The following ARAP2 variants were observed in gnomAD, a reference collection of about 807,000 sequenced individuals.
ARAP2 encodes the protein arf-GAP with Rho-GAP domain, ANK repeat and PH domain-containing protein 2.
A neutral mutation model predicts 194.5 loss-of-function variants in ARAP2; 148 were observed. The ratio of observed to expected loss-of-function variants is 0.76; its 90% CI spans 0.67 to 0.87. The LOEUF is 0.87. Ranked by LOEUF, ARAP2 falls within the 40% of genes least tolerant of loss-of-function variation. The probability of loss-of-function intolerance (pLI) is 0.00; values close to 1 mark genes in which losing one functional copy is unlikely to be tolerated. For synonymous variants in ARAP2, 695 were observed against 683.5 expected, an observed-to-expected ratio of 1.02 and a Z score of -0.26; for missense variants, 2,128 against 1,989.7, an observed-to-expected ratio of 1.07 and a Z score of -1.32.
chr4:36,139,521 T>C (rs1187446511), intron 19 of ARAP2, among the ~76,000 whole-genome samples: 1 of 151,668 alleles, frequency 6.6e-6, no homozygotes, highest in Non-Finnish European at 1.5e-5. Flanking sequence ...ATATATTCCG[T>C]TTATTCATTC....
chr4:36,191,006 G>A, intron 7 of ARAP2, among the ~76,000 whole-genome samples: 1 of 152,182 alleles, frequency 6.6e-6, no homozygotes, highest in Non-Finnish European at 1.5e-5. Flanking sequence ...CCATTGTCAG[G>A]CAACCTAAGG....
intron 2 of ARAP2, among the ~76,000 whole-genome samples, chr4:36,228,263 G>A (rs1750750195): frequency 6.6e-6 from 1 of 152,156 alleles, no homozygotes; most frequent in African/African-American, 2.4e-5. Flanking sequence ...TTTCAAATAT[G>A]AGAACTGCAC....
intron 2 of ARAP2, among the ~76,000 whole-genome samples, chr4:36,056,582 T>C (rs1442831273): frequency 1.3e-5 from 2 of 152,214 alleles, no homozygotes; most frequent in African/African-American, 4.8e-5. Context: ...AGAACATGTA[T>C]AGGTTTTCTT....
rs180931907 is a variant in ARAP2 at position 36,210,552 on chromosome 4, A to T, written c.1325T>A (p.Ile442Asn). The T allele has an allele frequency of 7.8e-5, 126 of 1,613,890 alleles. 2 individuals carry two copies. The East Asian group carries it at 2.8e-3, about 36-fold the overall frequency. ...ASKSRTQKAL[I>N]LDSVNRHSYP... ...ACTGTGCCTATTAACGGAGTCCAAA[A>T]TCAAGGCTTTTTGAGTCCTAGATTT... The change falls in exon 6 of 33, where the codon ATT (isoleucine) becomes AAT (asparagine). Residue 442 changes from isoleucine to asparagine, a missense_variant. By Grantham distance (149) the Ile-to-Asn change is moderately radical. Transcript: ENST00000303965.
chr4:36,204,969 C>CA, intron 6 of ARAP2, among the ~76,000 whole-genome samples: 1 of 129,022 alleles, frequency 7.8e-6, no homozygotes, highest in African/African-American at 3.1e-5. Context: ...GCCTGGGCAA[C>CA]CGAGCGAGAC....
chr4:36,082,365 A>C (rs913349896), intron 29 of ARAP2, 79 bp from the exon 30 acceptor site: 16 of 1,410,730 alleles, frequency 1.1e-5, no homozygotes, highest in Non-Finnish European at 1.6e-5. Flanking sequence ...TTAGATGTTA[A>C]GGAGATGAGA....
At chr4:36,230,509 T>C (rs941904566) in intron 1 of ARAP2, among the ~76,000 whole-genome samples, 10 of 152,204 alleles carry the variant, frequency 6.6e-5, no homozygotes. Flanking sequence ...AATATGCTAA[T>C]ATGAAAGGTC....
chr4:36,140,175 C>CACACACAT (rs1283506325), intron 19 of ARAP2, among the ~76,000 whole-genome samples: 3 of 150,190 alleles, frequency 2.0e-5, no homozygotes, highest in Non-Finnish European at 3.0e-5. Context: ...CACACACACA[C>CACACACAT]ATCTTAGAGG....
Position 36,159,388 on chromosome 4 carries a change from C to T in ARAP2, c.2560G>A (p.Ala854Thr). 6.2e-7 allele frequency: 1 copy of T among 1,610,532 alleles called. No homozygotes were observed. Among genetic ancestry groups the T allele is most frequent in the Non-Finnish European group, 8.5e-7 (1 of 1,177,750 alleles). Residue 854 changes from alanine (A) to threonine (T), a missense_variant, in exon 14 of 33, where the codon GCC (alanine) becomes ACC (threonine). Ala to Thr is a moderately conservative substitution (Grantham distance 58). Transcript: ENST00000303965. The stretch of plus-strand genomic sequence containing the variant: ...TGCAGACTTTGCCCAGCTTTCTTGG[C>T]TAGCAGATAGGGGGTGCTATGCACG... ...DPVHSTPYLL[A>T]KKAGQSLQME...
intron 25 of ARAP2, 121 bp downstream of exon 25, chr4:36,116,940 G>A: frequency 1.9e-6 from 1 of 518,156 alleles, no homozygotes; most frequent in Non-Finnish European, 3.1e-6. Context: ...AGTCTATGTT[G>A]TCAGTCGTTT....
At chr4:36,045,150 T>C (rs1356879840) in intron 5 of ARAP2, among the ~76,000 whole-genome samples, 1 of 152,134 alleles carries the variant, frequency 6.6e-6, no homozygotes, top group African/African-American at 2.4e-5. Flanking sequence ...TAAAAAACTA[T>C]AAACAAAACT....
chr4:36,161,599 T>G (rs1376744011), intron 11 of ARAP2, 49 bp from the exon 12 acceptor site: 2 of 1,484,158 alleles, frequency 1.3e-6, no homozygotes, highest in Admixed American at 3.4e-5. Flanking sequence ...TATGTAAATT[T>G]ATTTTACCTT....
rs543602957 is a variant in ARAP2 at position 36,011,443 on chromosome 4, C to T, written n.1325+1120G>A. Among the ~76,000 whole-genome samples, 121 of 152,032 alleles carry T rather than the reference C, an allele frequency of 8.0e-4. No individual in the cohort carries two copies. In the South Asian group the frequency reaches 0.025, roughly 31 times the overall value. Reference sequence around the variant, plus strand: ...TAAATTCTGATTAGTATATTAAGGCCCTGTAAATTCTACAGTAGACAAAGT... The same window carrying T: ...TAAATTCTGATTAGTATATTAAGGCTCTGTAAATTCTACAGTAGACAAAGT... On this transcript the variant is annotated intron_variant and non_coding_transcript_variant, in intron 9 of 12. Transcript: ENST00000503225.
rs1405740490 is a variant in ARAP2 at position 36,212,504 on chromosome 4, C to A, written c.1042-17G>T. 6.3e-7 allele frequency: 1 copy of A among 1,592,496 alleles called. No individual in the cohort carries two copies. On this transcript the variant is annotated splice_polypyrimidine_tract_variant and intron_variant, in intron 4 of 32. Transcript: ENST00000303965. ...AGATCGCTTCTATTAAAAAAGCAAA[C>A]AAACAAAAAACACATACTGTTTTGC...
intron 9 of ARAP2, among the ~76,000 whole-genome samples, chr4:36,171,925 C>T (rs1736754790): frequency 2.0e-5 from 3 of 151,950 alleles, no homozygotes; most frequent in South Asian, 2.1e-4. Context: ...CCATTAACTA[C>T]AATCTGATAG....
In ARAP2 at chr4:36,131,621, A is replaced by C. The variant is rs1725479439; in HGVS notation, c.3427+1605T>G. On this transcript the variant is annotated intron_variant, in intron 20 of 32. Transcript: ENST00000303965. The stretch of plus-strand genomic sequence containing the variant: ...TGAGTTATTTTAAACTTAAATAAAC[A>C]CAAGGAAAATTCTGATTTCCCTAGA... Among the ~76,000 whole-genome samples the C allele has an allele frequency of 4.0e-5, 6 of 151,738 alleles. No homozygotes were observed. The South Asian group carries it at 1.2e-3, about 31-fold the overall frequency.
rs141442791 is a variant in ARAP2 at position 36,229,012 on chromosome 4, G to A, written c.475C>T (p.Pro159Ser). 3,881 of 1,614,084 alleles carry A rather than the reference G, an allele frequency of 2.4e-3. 9 individuals carry two copies. The highest frequency in any genetic ancestry group is 3.6e-3 in the Middle Eastern group (22 of 6,062). The change falls in exon 2 of 33, where the codon CCA becomes TCA. Residue 159 changes from proline to serine, a missense_variant. Transcript: ENST00000303965. ...TTCAAAGAACCCAAATTCAGGTGTG[G>A]TTCCTCTGCAGTGGGGAAGTCGCGT... ...PKRDFPTAEE[P>S]HLNLGSLNDS...
At chr4:36,046,381 G>T (rs994992645) in intron 4 of ARAP2, among the ~76,000 whole-genome samples, 10 of 152,036 alleles carry the variant, frequency 6.6e-5, no homozygotes, top group African/African-American at 2.4e-4. Context: ...TACAGATAAG[G>T]TCTCACTATA....
intron 1 of ARAP2, among the ~76,000 whole-genome samples, chr4:36,242,476 AC>A (rs1221909236): frequency 6.6e-6 from 1 of 152,204 alleles, no homozygotes; most frequent in Admixed American, 6.5e-5. Context: ...AACAACAACA[AC>A]AAAAAACTTC....
Sources: allele counts gnomAD v4.1 joint callset (sites outside exome capture counted in the v4.1 genomes callset), GRCh38; gene constraint gnomAD v4.1.1; transcripts MANE v1.5; gene names NCBI Gene and HGNC (gene_info 2026-07-23, HGNC 2026-07-21).